C9orf153: variants seen among roughly 807,000 people sequenced by gnomAD.
C9orf153 encodes chromosome 9 open reading frame 153.
Under a neutral mutation model 9.0 loss-of-function variants are expected in C9orf153, and 10 were observed. That is an observed-to-expected ratio of 1.11 (90% CI 0.69 to 1.89). The LOEUF is 1.89. Among genes scored for constraint, C9orf153 ranks in the 40% most tolerant of loss-of-function variants. The pLI is 0.00. For synonymous variants in C9orf153, 35 were observed against 37.3 expected (o/e 0.94, Z 0.23); for missense variants, 108 against 111.0 (o/e 0.97, Z 0.12).
At chr9:86,227,189 A>T in intron 3 of C9orf153, 1 of 788,396 alleles carries the variant, frequency 1.3e-6, no homozygotes, top group Non-Finnish European at 1.7e-6. Flanking sequence ...CTCTGTTGCC[A>T]AGGCTGAAAT....
intron 1 of C9orf153, among the ~76,000 whole-genome samples, chr9:86,248,976 CA>C (rs1824932280): frequency 6.6e-6 from 1 of 152,216 alleles, no homozygotes; most frequent in Admixed American, 6.5e-5. Flanking sequence ...ATCTGCCTGC[CA>C]GCTTCCAAAA....
chr9:86,255,244 T>A (rs1825095152), intron 1 of C9orf153, among the ~76,000 whole-genome samples: 2 of 152,122 alleles, frequency 1.3e-5, no homozygotes, highest in Admixed American at 1.3e-4. Context: ...TATGTGAAAG[T>A]TTTTTAAAGT....
intron 1 of C9orf153, among the ~76,000 whole-genome samples, chr9:86,239,257 T>TA (rs57839282): frequency 0.23 from 33,556 of 145,198 alleles, 4,855 homozygotes; most frequent in East Asian, 0.46. Context: ...GAGACTCTGT[T>TA]AAAAAAAAAA....
At chr9:86,233,502 C>T (rs558507880) in intron 1 of C9orf153, among the ~76,000 whole-genome samples, 10 of 152,034 alleles carry the variant, frequency 6.6e-5, no homozygotes, top group Non-Finnish European at 8.8e-5. Context: ...CTGCAACCTC[C>T]GTCTCCCGGG....
chr9:86,241,150 A>C (rs1328445254), intron 1 of C9orf153, among the ~76,000 whole-genome samples: 1 of 152,202 alleles, frequency 6.6e-6, no homozygotes, highest in East Asian at 1.9e-4. Flanking sequence ...AATGATGGAA[A>C]GTCCACCAAC....
chr9:86,225,522 G>C (rs578151789), intron 3 of C9orf153, among the ~76,000 whole-genome samples: 1 of 151,306 alleles, frequency 6.6e-6, no homozygotes, highest in African/African-American at 2.4e-5. Flanking sequence ...GTAGTGGCGC[G>C]ATCTTGGCTC....
intron 1 of C9orf153, among the ~76,000 whole-genome samples, chr9:86,231,108 A>G (rs1365866876): frequency 1.3e-5 from 2 of 152,158 alleles, no homozygotes; most frequent in Non-Finnish European, 2.9e-5. Flanking sequence ...AGACATGTAG[A>G]TAAAGCCATC....
At chr9:86,227,407 C>T in intron 3 of C9orf153, 6 of 1,489,230 alleles carry the variant, frequency 4.0e-6, no homozygotes, top group Non-Finnish European at 5.4e-6. Context: ...CTGTATAAAG[C>T]AAACATATTA....
At chr9:86,250,132 G>A (rs183872507) in intron 1 of C9orf153, among the ~76,000 whole-genome samples, 24 of 152,332 alleles carry the variant, frequency 1.6e-4, no homozygotes, top group East Asian at 1.2e-3. Flanking sequence ...GACACACAGA[G>A]CAGACAATGG....
intron 3 of C9orf153, among the ~76,000 whole-genome samples, chr9:86,224,940 C>CAAAAAAAAAA: frequency 1.4e-5 from 1 of 73,946 alleles, no homozygotes; most frequent in Non-Finnish European, 2.5e-5. Context: ...GACTCCGTCT[C>CAAAAAAAAAA]AAAAAAAAAA....
At chr9:86,233,857 G>T (rs939450475) in intron 1 of C9orf153, among the ~76,000 whole-genome samples, 2 of 152,148 alleles carry the variant, frequency 1.3e-5, no homozygotes, top group Non-Finnish European at 2.9e-5. Context: ...GGCTGAGGCG[G>T]GTGAATTACA....
intron 3 of C9orf153, among the ~76,000 whole-genome samples, chr9:86,222,518 C>T (rs972985819): frequency 1.3e-5 from 2 of 152,084 alleles, no homozygotes; most frequent in South Asian, 4.1e-4. Flanking sequence ...TAGAATCTGG[C>T]CATTCTCCAT....
At chr9:86,246,410 T>C (rs927215080) in intron 1 of C9orf153, among the ~76,000 whole-genome samples, 1 of 152,116 alleles carries the variant, frequency 6.6e-6, no homozygotes, top group Admixed American at 6.5e-5. Context: ...CCTAAGCCAG[T>C]CTGACATGGC....
intron 1 of C9orf153, among the ~76,000 whole-genome samples, chr9:86,237,525 C>T (rs538788705): frequency 1.3e-5 from 2 of 152,268 alleles, no homozygotes; most frequent in East Asian, 1.9e-4. Context: ...TTAAGCAATG[C>T]TCCTGCCTCA....
At chr9:86,232,579 C>T (rs1349257297) in intron 1 of C9orf153, among the ~76,000 whole-genome samples, 1 of 152,064 alleles carries the variant, frequency 6.6e-6, no homozygotes, top group Non-Finnish European at 1.5e-5. Flanking sequence ...CAGAAACTCT[C>T]GGGGATGGTA....
At chr9:86,235,726 A>C (rs1490714644) in intron 1 of C9orf153, among the ~76,000 whole-genome samples, 1 of 132,372 alleles carries the variant, frequency 7.6e-6, no homozygotes, top group Non-Finnish European at 1.6e-5. Context: ...TGGGTGACAG[A>C]GCAAGACTCC....
intron 1 of C9orf153, among the ~76,000 whole-genome samples, chr9:86,242,037 C>A (rs1824755814): frequency 1.3e-5 from 2 of 152,104 alleles, no homozygotes; most frequent in Non-Finnish European, 2.9e-5. Context: ...TCAGAGAGAT[C>A]AGGGTAAAAG....
rs377715864 is a variant in C9orf153, at chr9:86,242,075, G to T, written c.-26-12446C>A. Among the ~76,000 whole-genome samples, 28 of 152,324 alleles carry T rather than the reference G, an allele frequency of 1.8e-4. 1 individual carries two copies. In the East Asian group the frequency reaches 5.0e-3, roughly 27 times the overall value. On this transcript the variant is annotated intron_variant, in intron 1 of 3. Coordinates refer to ENST00000339137, the MANE Select transcript of C9orf153 (RefSeq NM_001276366.4). ...ATTGGGAGTGTGGTGATGGAGGGTT[G>T]CAACTTTAAATAGGGTGGTTGTGTT...
chr9:86,225,246 A>C (rs746852553), intron 3 of C9orf153, among the ~76,000 whole-genome samples: 1 of 152,132 alleles, frequency 6.6e-6, no homozygotes, highest in Non-Finnish European at 1.5e-5. Flanking sequence ...GAATTGTTGC[A>C]ATACTAATTA....
Sources: allele counts gnomAD v4.1 joint callset (sites outside exome capture counted in the v4.1 genomes callset), GRCh38; gene constraint gnomAD v4.1.1; transcripts MANE v1.5; gene names NCBI Gene and HGNC (gene_info 2026-07-23, HGNC 2026-07-21).